The following CYFIP2 variants were observed in gnomAD, a reference collection of about 807,000 sequenced individuals.
CYFIP2 encodes cytoplasmic FMR1 interacting protein 2, also known as cytoplasmic FMR1-interacting protein 2.
Under a neutral mutation model 158.7 loss-of-function variants are expected in CYFIP2, and 29 were observed. That is an observed-to-expected ratio of 0.18 (90% CI 0.14 to 0.25). CYFIP2 has a LOEUF of 0.25. Among genes scored for constraint, CYFIP2 ranks in the 10% least tolerant of loss-of-function variants. CYFIP2 has a pLI of 1.00. For missense variants in CYFIP2, 852 were observed against 1,639.5 expected (o/e 0.52, Z 8.29); for synonymous variants, 585 against 617.6 (o/e 0.95, Z 0.78).
At chr5:157,371,009 C>T (rs1230029517) in intron 26 of CYFIP2, among the ~76,000 whole-genome samples, 1 of 152,056 alleles carries the variant, frequency 6.6e-6, no homozygotes, top group African/African-American at 2.4e-5. Flanking sequence ...AAGTGAGGGA[C>T]CAGTGGAACA....
chr5:157,287,274 C>T (rs953759441), intron 3 of CYFIP2, among the ~76,000 whole-genome samples, 166 bp downstream of exon 3: 9 of 152,204 alleles, frequency 5.9e-5, no homozygotes, highest in Non-Finnish European at 8.8e-5. Context: ...CATCCCCTGT[C>T]GGTGCCTAGA....
intron 21 of CYFIP2, among the ~76,000 whole-genome samples, chr5:157,335,863 T>A (rs2113208713): frequency 6.6e-6 from 1 of 152,226 alleles, no homozygotes; most frequent in South Asian, 2.1e-4. Context: ...TGAGCATATC[T>A]TATGGGAAAA....
intron 1 of CYFIP2, among the ~76,000 whole-genome samples, chr5:157,272,595 G>T (rs1029012458): frequency 6.6e-6 from 1 of 152,046 alleles, no homozygotes; most frequent in African/African-American, 2.4e-5. Flanking sequence ...GCTGTTTCTC[G>T]ATTTATCTAT....
At chr5:157,347,251 T>A (rs1762762143) in intron 23 of CYFIP2, among the ~76,000 whole-genome samples, 1 of 150,954 alleles carries the variant, frequency 6.6e-6, no homozygotes, top group Non-Finnish European at 1.5e-5. Context: ...GAGGATCACT[T>A]GAGCTTAAGA....
At chr5:157,331,599 C>A (rs1761467406) in intron 20 of CYFIP2, among the ~76,000 whole-genome samples, 1 of 151,804 alleles carries the variant, frequency 6.6e-6, no homozygotes. Flanking sequence ...TATGAGAAAT[C>A]CAAGGGAGAT....
At chr5:157,314,312 A>G in intron 11 of CYFIP2, 32 bp from the exon 12 acceptor site, 2 of 1,606,784 alleles carry the variant, frequency 1.2e-6, no homozygotes, top group Non-Finnish European at 1.7e-6. Context: ...TCAGGCACAT[A>G]GACCATGAGT....
At chr5:157,286,318 A>G (rs1030372751) in intron 2 of CYFIP2, among the ~76,000 whole-genome samples, 1 of 150,908 alleles carries the variant, frequency 6.6e-6, no homozygotes, top group African/African-American at 2.4e-5. Context: ...GCGGATATAT[A>G]CCTTTTTTAC....
intron 22 of CYFIP2, among the ~76,000 whole-genome samples, chr5:157,339,917 G>C (rs955458278): frequency 2.6e-5 from 4 of 152,218 alleles, no homozygotes; most frequent in Admixed American, 2.6e-4. Context: ...AGATTGTGCA[G>C]TACTCTACAG....
chr5:157,353,709 G>T (rs1187819143), intron 23 of CYFIP2, among the ~76,000 whole-genome samples: 1 of 152,200 alleles, frequency 6.6e-6, no homozygotes, highest in Non-Finnish European at 1.5e-5. Flanking sequence ...GAATTGAGCT[G>T]CAGCCATTCC....
chr5:157,349,249 T>C (rs1762908202), intron 23 of CYFIP2, among the ~76,000 whole-genome samples: 1 of 152,176 alleles, frequency 6.6e-6, no homozygotes, highest in African/African-American at 2.4e-5. Context: ...CTATGCCCAA[T>C]GTGTAGTCTT....
chr5:157,296,636 TA>T (rs774614304), intron 4 of CYFIP2, 36 bp from the exon 5 acceptor site: 4 of 1,583,134 alleles, frequency 2.5e-6, no homozygotes, highest in Non-Finnish European at 3.5e-6. Flanking sequence ...ACAACAGGTG[TA>T]AACCAGGATG....
chr5:157,276,998 T>C lies in CYFIP2; in HGVS notation c.-23-8341T>C, dbSNP rs527648572. The C allele has an allele frequency of 2.6e-5, 4 of 152,194 alleles. No individual in the cohort carries two copies. The South Asian group carries it at 6.2e-4, about 24-fold the overall frequency. The allele number at this position is 152,194 out of a possible 1,614,324, so 9.4% of individuals were successfully genotyped here. A position where few individuals can be genotyped will look rare whatever the true frequency, so the allele number is the denominator to read the frequency against. The stretch of plus-strand genomic sequence containing the variant: ...AGTTTATGGATATGACTATGTATTC[T>C]ATGCTGATTTAAATTATCTGTATGG... On this transcript the variant is annotated intron_variant, in intron 1 of 30. Transcript: ENST00000620254.
chr5:157,299,864 T>G (rs1331597713), intron 5 of CYFIP2, among the ~76,000 whole-genome samples: 1 of 152,196 alleles, frequency 6.6e-6, no homozygotes, highest in Admixed American at 6.5e-5. Context: ...ATTGTGCCAC[T>G]GCATTCCAGC....
chr5:157,292,775 C>T (rs1757931696), intron 3 of CYFIP2, among the ~76,000 whole-genome samples: 1 of 152,076 alleles, frequency 6.6e-6, no homozygotes, highest in African/African-American at 2.4e-5. Context: ...CCAAGAATTA[C>T]TGGGTCGAAT....
At chr5:157,341,866 A>C (rs1341000434) in intron 23 of CYFIP2, 1 of 152,270 alleles carries the variant, frequency 6.6e-6, no homozygotes, top group Admixed American at 6.5e-5. Flanking sequence ...CAGCCTGCCT[A>C]GTCTGGTCAA....
chr5:157,391,539 ATT>A (rs1368000391), intron 30 of CYFIP2, among the ~76,000 whole-genome samples: 2 of 152,134 alleles, frequency 1.3e-5, no homozygotes, highest in Non-Finnish European at 2.9e-5. Context: ...ATCACACAGT[ATT>A]TGTCTTTTCG....
In CYFIP2 at chr5:157,393,205, A is replaced by T; in HGVS notation, c.*205A>T. ...CCATGCTGGTTTCTCCATAGCATAAATGAAAAAAAAAAAAAAAAAGTAAAC... is the reference window on the plus strand; with the variant it reads ...CCATGCTGGTTTCTCCATAGCATAATTGAAAAAAAAAAAAAAAAAGTAAAC... On this transcript the variant is annotated 3_prime_UTR_variant, in exon 31 of 31. Coordinates refer to ENST00000620254, the MANE Select transcript of CYFIP2 (RefSeq NM_001037333.3). The T allele has an allele frequency of 2.8e-6, 1 of 357,542 alleles. No individual in the cohort carries two copies. Among genetic ancestry groups the T allele is most frequent in the Non-Finnish European group, 4.7e-6 (1 of 214,708 alleles). 22.1% of individuals were successfully genotyped at this position (357,542 alleles called of 1,614,324 possible).
chr5:157,337,752 G>A (rs1300564375), intron 21 of CYFIP2, among the ~76,000 whole-genome samples: 4 of 152,308 alleles, frequency 2.6e-5, no homozygotes, highest in African/African-American at 4.8e-5. Flanking sequence ...CATCCCACCC[G>A]GCCATGCTCT....
intron 19 of CYFIP2, among the ~76,000 whole-genome samples, chr5:157,330,215 T>C (rs1178669891): frequency 6.6e-6 from 1 of 151,224 alleles, no homozygotes; most frequent in Non-Finnish European, 1.5e-5. Flanking sequence ...CACTCTCAGC[T>C]CATAGGGTTG....
Sources: gnomAD v4.1 joint callset for allele counts (sites outside exome capture counted in the v4.1 genomes callset) on GRCh38, gnomAD v4.1.1 for gene constraint, MANE v1.5 for transcripts, NCBI Gene and HGNC (gene_info 2026-07-23, HGNC 2026-07-21) for gene names.